Variants in TSHZ2 observed in about 807,000 individuals in gnomAD.
TSHZ2 encodes teashirt homolog 2.
In TSHZ2, 21 loss-of-function variants were observed where a neutral mutation model predicts 74.4. The observed-to-expected ratio is 0.28, with a 90% CI of 0.20 to 0.41. The LOEUF is 0.41. TSHZ2 is among the 10% of genes least tolerant of loss of function. The probability of loss-of-function intolerance (pLI) is 1.00; values close to 1 mark genes in which losing one functional copy is unlikely to be tolerated. For missense variants in TSHZ2, 1,244 were observed against 1,293.5 expected, an observed-to-expected ratio of 0.96 and a Z score of 0.59; for synonymous variants, 540 against 515.3, an observed-to-expected ratio of 1.05 and a Z score of -0.65.
chr20:53,355,255 CAA>C (rs908435970), intron 2 of TSHZ2, among the ~76,000 whole-genome samples: 11 of 152,168 alleles, frequency 7.2e-5, no homozygotes, highest in African/African-American at 2.7e-4. Context: ...ACCTGGGAGA[CAA>C]GAGCCCTCCT....
intron 1 of TSHZ2, among the ~76,000 whole-genome samples, chr20:52,994,360 T>TGATG (rs1255610889): frequency 1.3e-5 from 2 of 151,316 alleles, no homozygotes; most frequent in Non-Finnish European, 3.0e-5. Context: ...ATAGATGGAT[T>TGATG]GATGGATGGA....
At chr20:53,051,485 ACACACACAC>A (rs1984466190) in intron 1 of TSHZ2, among the ~76,000 whole-genome samples, 2 of 151,950 alleles carry the variant, frequency 1.3e-5, no homozygotes, top group African/African-American at 4.8e-5. Flanking sequence ...ACACACACAC[ACACACACAC>A]AATTCAGGTG....
At chr20:53,470,619 T>G (rs1221089593) in intron 2 of TSHZ2, among the ~76,000 whole-genome samples, 3 of 151,916 alleles carry the variant, frequency 2.0e-5, no homozygotes, top group Non-Finnish European at 2.9e-5. Flanking sequence ...AGTTCAAGAA[T>G]CAGCCTGGCC....
chr20:53,260,762 A>T (rs2047721389), intron 2 of TSHZ2, among the ~76,000 whole-genome samples: 1 of 152,214 alleles, frequency 6.6e-6, no homozygotes, highest in Non-Finnish European at 1.5e-5. Context: ...GGTTTACAAG[A>T]AAGCACATAG....
intron 2 of TSHZ2, among the ~76,000 whole-genome samples, chr20:53,262,942 A>G (rs1485355904): frequency 1.3e-5 from 2 of 152,180 alleles, no homozygotes; most frequent in African/African-American, 2.4e-5. Context: ...AGCTGTTGAG[A>G]ACATTCGCCT....
At chr20:53,190,251 T>C (rs1988706300) in intron 1 of TSHZ2, among the ~76,000 whole-genome samples, 1 of 150,654 alleles carries the variant, frequency 6.6e-6, no homozygotes, top group South Asian at 2.1e-4. Context: ...GAGAATAGAT[T>C]ACCAGGCAAG....
At chr20:53,136,303 A>G (rs1026222754) in intron 1 of TSHZ2, among the ~76,000 whole-genome samples, 3 of 152,246 alleles carry the variant, frequency 2.0e-5, no homozygotes, top group Non-Finnish European at 4.4e-5. Context: ...GACAACATTC[A>G]AACCATAGCA....
At chr20:53,078,244 T>C (rs1294888089) in intron 1 of TSHZ2, among the ~76,000 whole-genome samples, 1 of 152,236 alleles carries the variant, frequency 6.6e-6, no homozygotes, top group Non-Finnish European at 1.5e-5. Flanking sequence ...TTAGGGGGAT[T>C]ACTCAGAATA....
At chr20:53,434,893 G>A (rs1983988425) in intron 2 of TSHZ2, among the ~76,000 whole-genome samples, 1 of 152,238 alleles carries the variant, frequency 6.6e-6, no homozygotes, top group Non-Finnish European at 1.5e-5. Context: ...ACGGGCCTCA[G>A]CTCCTCGAGC....
At chr20:53,209,026 A>G (rs1989238707) in intron 1 of TSHZ2, among the ~76,000 whole-genome samples, 1 of 152,232 alleles carries the variant, frequency 6.6e-6, no homozygotes, top group African/African-American at 2.4e-5. Context: ...TTGGCATAAA[A>G]TCAGCTTCTT....
rs565012594 is a variant in TSHZ2 at position 52,972,853 on chromosome 20, G to T, written c.-441G>T. ...TTTTTTTTTCCTTATCTTTACGCGC[G>T]AGTGTGCCTGTGGCGCGTGTGCGCC... On this transcript the variant is annotated 5_prime_UTR_variant, in exon 1 of 3. Coordinates refer to ENST00000371497, the MANE Select transcript of TSHZ2 (RefSeq NM_173485.6). 2.0e-3 allele frequency: 425 copies of T among 210,630 alleles called. No homozygotes were observed. The highest frequency in any genetic ancestry group is 9.5e-3 in the African/African-American group (400 of 42,298). 13.0% of individuals were successfully genotyped at this position (210,630 alleles called of 1,614,324 possible). A position where few individuals can be genotyped will look rare whatever the true frequency, so the allele number is the denominator to read the frequency against.
At chr20:53,185,732 T>G in intron 1 of TSHZ2, 1 of 1,535,264 alleles carries the variant, frequency 6.5e-7, no homozygotes, top group Non-Finnish European at 8.7e-7. Flanking sequence ...TCTATTCTCT[T>G]GCTAAATGGA....
chr20:53,369,687 G>C (rs766118734), intron 2 of TSHZ2, among the ~76,000 whole-genome samples: 1 of 152,074 alleles, frequency 6.6e-6, no homozygotes, highest in African/African-American at 2.4e-5. Flanking sequence ...CCCCAGCCTG[G>C]GTGACAGAGC....
chr20:53,238,242 G>A (rs2189503), intron 1 of TSHZ2, among the ~76,000 whole-genome samples: 105,455 of 152,056 alleles, frequency 0.69, 37,742 homozygotes, highest in African/African-American at 0.87. Context: ...ACCATCTATC[G>A]AACAGTGGGG....
intron 1 of TSHZ2, among the ~76,000 whole-genome samples, chr20:53,098,162 C>G (rs1302170164): frequency 2.0e-5 from 3 of 152,162 alleles, no homozygotes; most frequent in African/African-American, 7.2e-5. Flanking sequence ...TGGAGCCAGA[C>G]AAACTTCAAT....
chr20:53,212,944 G>T (rs1260498834), intron 1 of TSHZ2, among the ~76,000 whole-genome samples: 1 of 152,104 alleles, frequency 6.6e-6, no homozygotes, highest in African/African-American at 2.4e-5. Context: ...GGTTGGTGTG[G>T]GTTGACTTCT....
intron 1 of TSHZ2, among the ~76,000 whole-genome samples, chr20:53,101,571 C>T (rs561995039): frequency 2.0e-5 from 3 of 152,290 alleles, no homozygotes; most frequent in South Asian, 4.1e-4. Context: ...CAGAACTTTC[C>T]GACAGTTTGT....
intron 1 of TSHZ2, among the ~76,000 whole-genome samples, chr20:52,975,265 G>A (rs999463463): frequency 6.7e-6 from 1 of 150,186 alleles, no homozygotes; most frequent in African/African-American, 2.5e-5. Flanking sequence ...TTTTTTTTCT[G>A]GTTGTTCCGG....
chr20:53,003,896 CT>C lies in TSHZ2; in HGVS notation c.40+30574del, dbSNP rs1229314009. ...CTCTTTCCTTCTTTTTTTTCTTTTT[CT>C]TTTTTTTTTTAATTATTTCTTTCCG... On this transcript the variant is annotated intron_variant, in intron 1 of 2. Transcript: ENST00000371497. Among the ~76,000 whole-genome samples the C allele has an allele frequency of 5.8e-3, 841 of 145,266 alleles. 5 individuals are homozygous for C. Among genetic ancestry groups the C allele is most frequent in the Middle Eastern group, 0.017 (5 of 286 alleles).
Sources: allele counts gnomAD v4.1 joint callset (sites outside exome capture counted in the v4.1 genomes callset), GRCh38; gene constraint gnomAD v4.1.1; transcripts MANE v1.5; gene names NCBI Gene and HGNC (gene_info 2026-07-23, HGNC 2026-07-21).